CELF5: variants seen among roughly 807,000 people sequenced by gnomAD.
CELF5 encodes CUG-BP and ETR-3 like factor 5.
A neutral mutation model predicts 54.9 loss-of-function variants in CELF5; 6 were observed. That is an observed-to-expected ratio of 0.11 (90% CI 0.06 to 0.22). The LOEUF is 0.22. Ranked by LOEUF, CELF5 falls within the 10% of genes least tolerant of loss-of-function variation. The pLI, the probability that CELF5 is intolerant of heterozygous loss-of-function variation, is 1.00. For missense variants in CELF5, 401 were observed against 678.6 expected, an observed-to-expected ratio of 0.59 and a Z score of 4.54; for synonymous variants, 271 against 290.9, an observed-to-expected ratio of 0.93 and a Z score of 0.70.
At chr19:3,229,500 C>T (rs1009981297) in intron 1 of CELF5, among the ~76,000 whole-genome samples, 5 of 152,084 alleles carry the variant, frequency 3.3e-5, no homozygotes, top group East Asian at 1.9e-4. Flanking sequence ...CCAGGAGGGC[C>T]GCCTGGAGGA....
chr19:3,264,508 C>T (rs577688883), intron 2 of CELF5, among the ~76,000 whole-genome samples: 3 of 151,674 alleles, frequency 2.0e-5, no homozygotes, highest in South Asian at 2.1e-4. Flanking sequence ...CTTGGCCTCC[C>T]GGGTTCACGC....
At chr19:3,264,511 G>A (rs2079853342) in intron 2 of CELF5, among the ~76,000 whole-genome samples, 4 of 150,818 alleles carry the variant, frequency 2.7e-5, no homozygotes, top group Admixed American at 6.6e-5. Flanking sequence ...GGCCTCCCGG[G>A]TTCACGCTAT....
chr19:3,284,428 T>C (rs1485299245), intron 8 of CELF5, among the ~76,000 whole-genome samples: 5 of 152,082 alleles, frequency 3.3e-5, no homozygotes, highest in Non-Finnish European at 7.4e-5. Flanking sequence ...ACTTCTTCCC[T>C]CCCCTACCCC....
At chr19:3,292,009 C>T (rs534334218) in intron 11 of CELF5, among the ~76,000 whole-genome samples, 23 of 152,232 alleles carry the variant, frequency 1.5e-4, no homozygotes, top group African/African-American at 5.1e-4. Flanking sequence ...TGCAATTGCA[C>T]GATCTCAGCT....
At chr19:3,257,096 A>C (rs555738267) in intron 2 of CELF5, among the ~76,000 whole-genome samples, 1 of 152,276 alleles carries the variant, frequency 6.6e-6, no homozygotes, top group South Asian at 2.1e-4. Flanking sequence ...AGCGTGAGCT[A>C]CCAGATTGTG....
intron 10 of CELF5, 38 bp from the exon 11 acceptor site, chr19:3,290,193 C>T (rs2145312261): frequency 1.9e-6 from 3 of 1,605,718 alleles, no homozygotes; most frequent in Non-Finnish European, 2.6e-6. Flanking sequence ...CGCCTCCTCT[C>T]CTTGGGGGCT....
At chr19:3,273,358 C>G (rs1304180011) in intron 2 of CELF5, among the ~76,000 whole-genome samples, 1 of 151,716 alleles carries the variant, frequency 6.6e-6, no homozygotes. Context: ...GAGGCCCCTC[C>G]TCCTCCCCTA....
At chr19:3,266,214 T>G (rs373223936) in intron 2 of CELF5, among the ~76,000 whole-genome samples, 16 of 152,248 alleles carry the variant, frequency 1.1e-4, no homozygotes, top group African/African-American at 3.6e-4. Context: ...AGGCGGTAAC[T>G]TCTAGGTGTT....
chr19:3,244,477 T>C (rs2079534160), intron 1 of CELF5, among the ~76,000 whole-genome samples: 1 of 148,396 alleles, frequency 6.7e-6, no homozygotes, highest in African/African-American at 2.5e-5. Flanking sequence ...TGTGCATGCA[T>C]CTGTGTGTGC....
intron 2 of CELF5, among the ~76,000 whole-genome samples, chr19:3,251,970 C>T (rs980348027): frequency 6.6e-5 from 10 of 151,930 alleles, no homozygotes; most frequent in East Asian, 1.9e-4. Flanking sequence ...CCACCAGGCC[C>T]GGCCAACACA....
intron 2 of CELF5, among the ~76,000 whole-genome samples, chr19:3,251,594 T>G (rs2079648519): frequency 6.6e-6 from 1 of 151,928 alleles, no homozygotes; most frequent in Non-Finnish European, 1.5e-5. Context: ...AGGAAAATGA[T>G]TTTCCTCGCT....
chr19:3,239,621 A>G (rs1441705548), intron 1 of CELF5, among the ~76,000 whole-genome samples: 1 of 151,008 alleles, frequency 6.6e-6, no homozygotes, highest in African/African-American at 2.4e-5. Flanking sequence ...GGGAGCCACC[A>G]TTCAACCCAT....
rs901419562 is a variant in CELF5 at position 3,234,418 on chromosome 19, G to A, written c.259+9420G>A. 5.3e-5 allele frequency among the ~76,000 whole-genome samples: 8 copies of A among 152,284 alleles called. No homozygotes were observed. The East Asian group carries it at 1.5e-3, about 29-fold the overall frequency. On this transcript the variant is annotated intron_variant, in intron 1 of 12. Coordinates refer to ENST00000292672, the MANE Select transcript of CELF5 (RefSeq NM_021938.4). The stretch of plus-strand genomic sequence containing the variant: ...CCAGCCATGATGTGGTTCTCAATGG[G>A]AGTTATTCTAGGACACTTGGCAATG...
At chr19:3,244,111 G>A (rs747856221) in intron 1 of CELF5, among the ~76,000 whole-genome samples, 4 of 151,956 alleles carry the variant, frequency 2.6e-5, no homozygotes, top group Non-Finnish European at 5.9e-5. Context: ...TAAACATTAC[G>A]CATTTTCACC....
chr19:3,244,469 T>C (rs1459022823), intron 1 of CELF5, among the ~76,000 whole-genome samples: 1 of 148,964 alleles, frequency 6.7e-6, no homozygotes, highest in Non-Finnish European at 1.5e-5. Context: ...GTGTGGTGTG[T>C]GCATGCATCT....
At chr19:3,259,877 T>G (rs2079784710) in intron 2 of CELF5, among the ~76,000 whole-genome samples, 2 of 152,106 alleles carry the variant, frequency 1.3e-5, no homozygotes, top group Admixed American at 6.5e-5. Flanking sequence ...CCGGCCCCAA[T>G]GTCCACAGTG....
chr19:3,241,770 A>G (rs2079494419), intron 1 of CELF5, among the ~76,000 whole-genome samples: 2 of 151,896 alleles, frequency 1.3e-5, no homozygotes, highest in South Asian at 4.2e-4. Flanking sequence ...AGGTGGCACT[A>G]GTTTGTTGTT....
In CELF5 at chr19:3,287,048, A is replaced by G. The variant is rs573126517; in HGVS notation, c.1186+1023A>G. ...AGACTCCGTCTCAAAAAAAAAAAAA[A>G]AAAAAGAAAAGAAAAGAAAAAAATC... On this transcript the variant is annotated intron_variant, in intron 10 of 12. Transcript: ENST00000292672. 9.9e-4 allele frequency among the ~76,000 whole-genome samples: 147 copies of G among 148,556 alleles called. 2 individuals are homozygous for G. Among genetic ancestry groups the G allele is most frequent in the Non-Finnish European group, 2.0e-3 (130 of 66,352 alleles).
At chr19:3,255,366 T>C (rs1395168794) in intron 2 of CELF5, among the ~76,000 whole-genome samples, 1 of 152,192 alleles carries the variant, frequency 6.6e-6, no homozygotes, top group Non-Finnish European at 1.5e-5. Context: ...ATATTTTTAG[T>C]AGAGTCGGGG....
Sources: gnomAD v4.1 joint callset for allele counts (sites outside exome capture counted in the v4.1 genomes callset) on GRCh38, gnomAD v4.1.1 for gene constraint, MANE v1.5 for transcripts, NCBI Gene and HGNC (gene_info 2026-07-23, HGNC 2026-07-21) for gene names.